Variants in DALRD3 observed in about 807,000 individuals in gnomAD.
The protein encoded by DALRD3 is DALR anticodon-binding domain-containing protein 3.
In DALRD3, 47 loss-of-function variants were observed where a neutral mutation model predicts 56.7. That is an observed-to-expected ratio of 0.83 (90% CI 0.66 to 1.06). The LOEUF (loss-of-function observed/expected upper bound fraction) is 1.06, where lower values mean the gene tolerates loss of function less well. Ranked by LOEUF, DALRD3 falls within the 50% of genes least tolerant of loss-of-function variation. DALRD3 has a pLI of 0.00. For synonymous variants in DALRD3, 347 were observed against 308.5 expected, an observed-to-expected ratio of 1.12 and a Z score of -1.31; for missense variants, 787 against 724.0, an observed-to-expected ratio of 1.09 and a Z score of -1.00.
At chr3:49,015,764 A>T in intron 11 of DALRD3, 40 bp downstream of exon 11, 1 of 1,613,502 alleles carries the variant, frequency 6.2e-7, no homozygotes, top group Non-Finnish European at 8.5e-7. Flanking sequence ...TTTACCCTAT[A>T]CCTCTCTGCA....
chr3:49,016,232 A>G lies in DALRD3; in HGVS notation c.1255T>C (p.Cys419Arg). The G allele has an allele frequency of 6.2e-7, 1 of 1,614,174 alleles. No homozygotes were observed. Among genetic ancestry groups the G allele is most frequent in the Non-Finnish European group, 8.5e-7 (1 of 1,180,028 alleles). Residue 419 changes from cysteine to arginine, a missense_variant, in exon 9 of 12, where the codon TGT becomes CGT. Cys to Arg is a radical substitution (Grantham distance 180). Transcript: ENST00000341949. The part of the protein sequence containing the change: ...RLATLFESYK[C>R]SMEQGLYPTF... ...GGGTACAGACCTTGTTCCATACTAC[A>G]CTTGTAACTCTCAAAGAGTGTGGCA...
upstream of DALRD3, chr3:49,018,923 C>T: frequency 1.0e-6 from 1 of 985,428 alleles, no homozygotes; most frequent in Non-Finnish European, 1.2e-6. Flanking sequence ...TTCATTTCTC[C>T]CATTTTACAC....
Position 49,018,538 on chromosome 3 carries a change from C to T in DALRD3, c.27G>A (p.Gly9=), listed in dbSNP as rs762105116. Residue 9 remains glycine (G), a synonymous_variant, in exon 1 of 12, where the codon GGG becomes GGA. Coordinates refer to ENST00000341949, the MANE Select transcript of DALRD3 (RefSeq NM_001009996.3). The stretch of plus-strand genomic sequence containing the variant: ...CCGCGTTGAGGGCCCCCAGCGTCTC[C>T]CCGACCCCAAGGCGCCTGGTCGCCA... The part of the protein sequence containing the change: MATRRLGV[G]ETLGALNAAL... The T allele has an allele frequency of 6.9e-5, 109 of 1,581,268 alleles. 1 individual carries two copies. Among genetic ancestry groups the T allele is most frequent in the Middle Eastern group, 1.7e-4 (1 of 6,026 alleles).
intron 5 of DALRD3, 146 bp from the exon 6 acceptor site, chr3:49,016,993 C>G: frequency 9.9e-7 from 1 of 1,014,448 alleles, no homozygotes; most frequent in Non-Finnish European, 1.5e-6. Flanking sequence ...CCCAGCCACT[C>G]AGGCTACGCA....
Position 49,017,442 on chromosome 3 carries a change from G to A in DALRD3, c.790C>T (p.Pro264Ser), listed in dbSNP as rs529678400. The A allele has an allele frequency of 2.9e-4, 476 of 1,614,118 alleles. 10 individuals are homozygous for A. In the South Asian group the frequency reaches 5.1e-3, roughly 17 times the overall value. ...GGCTGGGAGTCACTAACCAGGCCTG[G>A]GTGGCTGTCCTCGGGCCAATGCCAT... ...ALWHWPEDSH[P>S]GLAGASDTGT... The change falls in exon 4 of 12, where the codon CCA becomes TCA. Residue 264 changes from proline (P) to serine (S), a missense_variant. Coordinates refer to ENST00000341949, the MANE Select transcript of DALRD3 (RefSeq NM_001009996.3).
chr3:49,018,089 A>G lies in DALRD3; in HGVS notation c.395T>C (p.Leu132Pro), dbSNP rs1471468908. 4 of 1,488,724 alleles carry G rather than the reference A, an allele frequency of 2.7e-6. No homozygotes were observed. The highest frequency in any genetic ancestry group is 3.5e-6 in the Non-Finnish European group (4 of 1,128,448). The allele number at this position is 1,488,724 out of a possible 1,614,324, so 92.2% of individuals were successfully genotyped here. Residue 132 changes from leucine to proline, a missense_variant, in exon 2 of 12, where the codon CTC becomes CCC. Transcript: ENST00000341949. ...CPALRSSPCA[L>P]RLSQLRTVLV... ...CACCGTACGCAGCTGGCTCAAGCGGAGTGCGCAGGGGGAGCTGCGCAGTGC... is the reference window on the plus strand; with the variant it reads ...CACCGTACGCAGCTGGCTCAAGCGGGGTGCGCAGGGGGAGCTGCGCAGTGC...
upstream of DALRD3, chr3:49,018,734 G>T: frequency 2.0e-6 from 2 of 985,384 alleles, no homozygotes; most frequent in Non-Finnish European, 2.4e-6. Context: ...CGCCCCTTCC[G>T]CGTGGTCCAC....
chr3:49,015,603 T>A lies in DALRD3; in HGVS notation c.1617A>T (p.Pro539=). Residue 539 remains proline, a synonymous_variant, in exon 12 of 12, where the codon CCA becomes CCT. Coordinates refer to ENST00000341949, the MANE Select transcript of DALRD3 (RefSeq NM_001009996.3). ...HTGLAMLGLP[P]LSHI The stretch of plus-strand genomic sequence containing the variant: ...CTCTGTGGCCTTAAATGTGGCTCAG[T>A]GGAGGGAGACCCAGCATAGCCAGGC... 1.2e-6 allele frequency: 2 copies of A among 1,614,118 alleles called. No homozygotes were observed. The highest frequency in any genetic ancestry group is 2.2e-5 in the South Asian group (2 of 91,086).
At position 49,016,651 on chromosome 3, in the gene DALRD3, T is replaced by G; in HGVS notation, c.1024A>C (p.Lys342Gln). 6.3e-7 allele frequency: 1 copy of G among 1,596,274 alleles called. No individual in the cohort carries two copies. Among genetic ancestry groups the G allele is most frequent in the Non-Finnish European group, 8.5e-7 (1 of 1,169,694 alleles). Residue 342 changes from lysine (K) to glutamine (Q), a missense_variant, in exon 7 of 12, where the codon AAG (lysine) becomes CAG (glutamine). By Grantham distance (53) the Lys-to-Gln change is moderately conservative (BLOSUM62 1). Coordinates refer to ENST00000341949, the MANE Select transcript of DALRD3 (RefSeq NM_001009996.3). ...YYEFRHTQVC[K>Q]ASALKHGGDL... Reference sequence around the variant, plus strand: ...CCACCATGCTTCAGTGCTGAGGCCTTGCACACCTGGGTATGCCGGAACCTG... The same window carrying G: ...CCACCATGCTTCAGTGCTGAGGCCTGGCACACCTGGGTATGCCGGAACCTG...
chr3:49,018,491 A>C lies in DALRD3; in HGVS notation c.74T>G (p.Val25Gly). ...LNAALGPGGP[V>G]WIKETRTRHL... ...GCGGGTGCGCGTCTCCTTGATCCAC[A>C]CCGGACCGCCTGGCCCCAGGGCCGC... The change falls in exon 1 of 12, where the codon GTG becomes GGG. Residue 25 changes from valine (V) to glycine (G), a missense_variant. Transcript: ENST00000341949. 1 of 1,586,880 alleles carries C rather than the reference A, an allele frequency of 6.3e-7. No individual in the cohort carries two copies. The highest frequency in any genetic ancestry group is 8.6e-7 in the Non-Finnish European group (1 of 1,166,574).
upstream of DALRD3, among the ~76,000 whole-genome samples, chr3:49,019,665 G>A (rs915667417): frequency 6.6e-6 from 1 of 151,876 alleles, no homozygotes; most frequent in Admixed American, 6.6e-5. Context: ...TTTTAATAGA[G>A]ACGGGGTTTC....
At position 49,017,352 on chromosome 3, in the gene DALRD3, C is replaced by T. The variant is rs2093097869; in HGVS notation, c.803G>A (p.Gly268Glu). 1.9e-6 allele frequency: 3 copies of T among 1,614,218 alleles called. No homozygotes were observed. The highest frequency in any genetic ancestry group is 2.5e-6 in the Non-Finnish European group (3 of 1,180,042). Residue 268 changes from glycine (G) to glutamate (E), a missense_variant, in exon 5 of 12, where the codon GGG becomes GAG. Physicochemically the swap from Gly to Glu is moderately conservative, Grantham distance 98. Transcript: ENST00000341949. ...WPEDSHPGLA[G>E]ASDTGTGGCL... The stretch of plus-strand genomic sequence containing the variant: ...GCCGCCTGTACCAGTATCTGAGGCC[C>T]CAGCCTAAGGGAGGACAATCATAAC...
chr3:49,017,799 C>A lies in DALRD3; in HGVS notation c.532G>T (p.Asp178Tyr). ...GCTCTCTCCGAGGCAGCGGGCCAGT[C>A]CACCCGCAGTTGCTGCAGGAAGGTC... ...MLTFLQQLRVDWPAASERASS... is the reference protein window; with the variant it reads ...MLTFLQQLRVYWPAASERASS... Residue 178 changes from aspartate (D) to tyrosine (Y), a missense_variant, in exon 3 of 12, where the codon GAC becomes TAC. Coordinates refer to ENST00000341949, the MANE Select transcript of DALRD3 (RefSeq NM_001009996.3). 1 of 1,613,158 alleles carries A rather than the reference C, an allele frequency of 6.2e-7. No homozygotes were observed. Among genetic ancestry groups the A allele is most frequent in the East Asian group, 2.2e-5 (1 of 44,870 alleles).
chr3:49,018,781 C>T (rs186794938), upstream of DALRD3: 97 of 985,434 alleles, frequency 9.8e-5, 3 homozygotes, highest in Admixed American at 5.0e-3. Context: ...ATCTCGGGGC[C>T]CTCCCTGGGC....
chr3:49,018,330 C>G lies in DALRD3; in HGVS notation c.166-12G>C. 6.7e-7 allele frequency: 1 copy of G among 1,486,150 alleles called. No individual in the cohort carries two copies. The highest frequency in any genetic ancestry group is 8.9e-7 in the Non-Finnish European group (1 of 1,124,846). 92.1% of individuals were successfully genotyped at this position (1,486,150 alleles called of 1,614,324 possible). ...AAATGCTCCGGAACCTGCGGGAGAACGGGCGTGTAAAAGAGCCACGGCACG... is the reference window on the plus strand; with the variant it reads ...AAATGCTCCGGAACCTGCGGGAGAAGGGGCGTGTAAAAGAGCCACGGCACG... On this transcript the variant is annotated splice_polypyrimidine_tract_variant and intron_variant, in intron 1 of 11. Coordinates refer to ENST00000341949, the MANE Select transcript of DALRD3 (RefSeq NM_001009996.3).
chr3:49,017,147 C>T lies in DALRD3; in HGVS notation c.927+81G>A, dbSNP rs1575290219. On this transcript the variant is annotated intron_variant, in intron 5 of 11. Coordinates refer to ENST00000341949, the MANE Select transcript of DALRD3 (RefSeq NM_001009996.3). ...TCAAGTGTTGGTTTCTGTCAGCTAA[C>T]AAGCCCCTCGGTGGGTTTTCAAGGG... 11 of 1,592,616 alleles carry T rather than the reference C, an allele frequency of 6.9e-6. No individual in the cohort carries two copies. The East Asian group carries it at 2.5e-4, about 36-fold the overall frequency.
chr3:49,020,294 AACTGAGG>A (rs1283371507), upstream of DALRD3: 2 of 511,164 alleles, frequency 3.9e-6, no homozygotes, highest in African/African-American at 3.9e-5. Context: ...CCCTCAGTCA[AACTGAGG>A]ACTTCAGATA....
Position 49,016,410 on chromosome 3 carries a change from G to GT in DALRD3, c.1146+18dup. Reference sequence around the variant, plus strand: ...CACCCTGTGCCCCAACACTGGCCCTGTCAGGCTCCCAGGCTCACCTGACTC... The same window carrying GT: ...CACCCTGTGCCCCAACACTGGCCCTGTTCAGGCTCCCAGGCTCACCTGACTC... On this transcript the variant is annotated intron_variant, in intron 8 of 11. Coordinates refer to ENST00000341949, the MANE Select transcript of DALRD3 (RefSeq NM_001009996.3). The GT allele has an allele frequency of 6.2e-7, 1 of 1,610,664 alleles. No individual in the cohort carries two copies. The highest frequency in any genetic ancestry group is 8.5e-7 in the Non-Finnish European group (1 of 1,178,160).
rs1195604740 is a variant in DALRD3 at position 49,016,500 on chromosome 3, T to C, written c.1075A>G (p.Thr359Ala). Residue 359 changes from threonine to alanine, a missense_variant, in exon 8 of 12, where the codon ACA becomes GCA. Physicochemically the swap from Thr to Ala is moderately conservative, Grantham distance 58. Transcript: ENST00000341949. ...ACAGAGAGAACACCAAAGATCTCTGTCCAGGCTGGGTCTGAGGGAGTATAG... is the reference window on the plus strand; with the variant it reads ...ACAGAGAGAACACCAAAGATCTCTGCCCAGGCTGGGTCTGAGGGAGTATAG... ...GGDLAQDPAWTEIFGVLSVAT... is the reference protein window; with the variant it reads ...GGDLAQDPAWAEIFGVLSVAT... 3 of 1,613,818 alleles carry C rather than the reference T, an allele frequency of 1.9e-6. No individual in the cohort carries two copies. Among genetic ancestry groups the C allele is most frequent in the African/African-American group, 2.7e-5 (2 of 74,870 alleles).
Sources: allele counts gnomAD v4.1 joint callset (sites outside exome capture counted in the v4.1 genomes callset), GRCh38; gene constraint gnomAD v4.1.1; transcripts MANE v1.5; gene names NCBI Gene and HGNC (gene_info 2026-07-23, HGNC 2026-07-21).